Variants in APOBEC1 observed in about 807,000 individuals in gnomAD.
APOBEC1 encodes C->U-editing enzyme APOBEC-1.
APOBEC1 carries 22 observed loss-of-function variants against 26.3 expected under a neutral mutation model. The observed-to-expected ratio is 0.84, with a 90% CI of 0.60 to 1.19. The LOEUF is 1.19. Ranked by LOEUF, APOBEC1 falls within the 50% of genes most tolerant of loss-of-function variation. APOBEC1 has a pLI of 0.00. For synonymous variants in APOBEC1, 77 were observed against 95.3 expected (o/e 0.81, Z 1.12); for missense variants, 253 against 289.0 (o/e 0.88, Z 0.90).
chr12:7,652,508 A>T lies in APOBEC1; in HGVS notation c.372T>A (p.Asp124Glu). ...CCCTGAGACCTTGCCGATTTTGTTG[A>T]TCCATGTGCCAAAAAAGCCGAGCTA... is the stretch of plus-strand genomic sequence containing the variant. ...IYVARLFWHM[D>E]QQNRQGLRDL... is the part of the protein sequence containing the mutation. Residue 124 changes from aspartate to glutamate, a missense_variant, in exon 3 of 5, where the codon GAT (aspartate) becomes GAA (glutamate). Transcript: ENST00000229304. 6.2e-7 allele frequency: 1 copy of T among 1,614,056 alleles called. No individual in the cohort carries two copies. Among genetic ancestry groups the T allele is most frequent in the Non-Finnish European group, 8.5e-7 (1 of 1,179,986 alleles).
At chr12:7,651,410 C>T (rs145446900) in intron 3 of APOBEC1, among the ~76,000 whole-genome samples, 1 of 151,930 alleles carries the variant, frequency 6.6e-6, no homozygotes, top group African/African-American at 2.4e-5. Context: ...GTCAGGAGAT[C>T]GAGACCATCC....
chr12:7,656,647 G>T (rs897396717), intron 1 of APOBEC1, among the ~76,000 whole-genome samples: 1 of 152,174 alleles, frequency 6.6e-6, no homozygotes, highest in Non-Finnish European at 1.5e-5. Context: ...AACACATTTG[G>T]CAAGTTTCCT....
chr12:7,650,822 C>CA (rs1272345176), intron 4 of APOBEC1, among the ~76,000 whole-genome samples: 1 of 152,224 alleles, frequency 6.6e-6, no homozygotes, highest in Non-Finnish European at 1.5e-5. Flanking sequence ...CGCCTAGACT[C>CA]AAGCTTCCTG....
At chr12:7,659,924 A>G (rs747829863) in intron 1 of APOBEC1, among the ~76,000 whole-genome samples, 56 of 152,186 alleles carry the variant, frequency 3.7e-4, no homozygotes, top group African/African-American at 1.1e-3. Flanking sequence ...AGCCGAGATC[A>G]AGCCACTGCA....
intron 1 of APOBEC1, among the ~76,000 whole-genome samples, chr12:7,662,101 C>A (rs76353561): frequency 0.01 from 72 of 7,038 alleles, no homozygotes; most frequent in African/African-American, 0.014. Flanking sequence ...AAAACAAAAC[C>A]AAACCTTTTT....
chr12:7,662,562 G>A (rs181619746), intron 1 of APOBEC1, among the ~76,000 whole-genome samples: 17 of 152,240 alleles, frequency 1.1e-4, no homozygotes, highest in South Asian at 1.0e-3. Context: ...TAGCCTGGGC[G>A]ACAGAGCGAG....
intron 1 of APOBEC1, among the ~76,000 whole-genome samples, chr12:7,655,425 G>T (rs970191574): frequency 2.2e-4 from 33 of 152,050 alleles, no homozygotes; most frequent in African/African-American, 7.7e-4. Flanking sequence ...TGAGGCAGGA[G>T]AATTGCTTGA....
chr12:7,651,879 G>C (rs763604003), intron 3 of APOBEC1, among the ~76,000 whole-genome samples: 187 of 151,856 alleles, frequency 1.2e-3, no homozygotes, highest in Non-Finnish European at 2.1e-3. Context: ...GGAGTGCAGT[G>C]GCGCGATCTC....
chr12:7,651,921 C>T (rs975283789), intron 3 of APOBEC1, among the ~76,000 whole-genome samples: 5 of 151,966 alleles, frequency 3.3e-5, no homozygotes, highest in Middle Eastern at 3.4e-3. Flanking sequence ...CCCGGGTTCA[C>T]GCCATTCTCC....
At position 7,652,745 on chromosome 12, in the gene APOBEC1, G is replaced by A. The variant is rs769725119; in HGVS notation, c.135C>T (p.Gly45=). The A allele has an allele frequency of 3.5e-5, 57 of 1,613,918 alleles. No homozygotes were observed. The highest frequency in any genetic ancestry group is 4.8e-5 in the Non-Finnish European group (57 of 1,180,030). ...AGCTTCGCCAGATCTTCCGGCTCAT[G>A]CCCCACTTGATTTCGTAGAGCAGAC... ...EACLLYEIKW[G]MSRKIWRSSG... The change falls in exon 3 of 5, where the codon GGC becomes GGT. Residue 45 remains glycine, a synonymous_variant. Transcript: ENST00000229304.
intron 1 of APOBEC1, among the ~76,000 whole-genome samples, chr12:7,660,355 G>A (rs55687005): frequency 5.0e-4 from 6 of 11,964 alleles, no homozygotes; most frequent in Non-Finnish European, 3.0e-3. Context: ...AAGGAAGGAA[G>A]GAAGGAAGGA....
chr12:7,665,127 T>C (rs1159110930), intron 1 of APOBEC1, among the ~76,000 whole-genome samples: 1 of 152,168 alleles, frequency 6.6e-6, no homozygotes, highest in Non-Finnish European at 1.5e-5. Context: ...CTGAAATTAC[T>C]TCCTTCAGCC....
chr12:7,649,538 T>G lies in APOBEC1; in HGVS notation c.*9A>C. The G allele has an allele frequency of 6.2e-7, 1 of 1,613,720 alleles. No homozygotes were observed. The highest frequency in any genetic ancestry group is 8.5e-7 in the Non-Finnish European group (1 of 1,179,806). ...TTCTTGAATCAGTACACACACGGAA[T>G]CATCCTATTCATCTCCAAGCCACAG... On this transcript the variant is annotated 3_prime_UTR_variant, in exon 5 of 5. Coordinates refer to ENST00000229304, the MANE Select transcript of APOBEC1 (RefSeq NM_001644.5).
chr12:7,657,191 T>C (rs576783571), intron 1 of APOBEC1, among the ~76,000 whole-genome samples: 7 of 152,094 alleles, frequency 4.6e-5, no homozygotes, highest in Non-Finnish European at 8.8e-5. Flanking sequence ...CTGCATTTCG[T>C]ACTAAGTTAC....
chr12:7,659,323 ATATATATATATAT>A (rs1472606999), intron 1 of APOBEC1, among the ~76,000 whole-genome samples: 1 of 39,090 alleles, frequency 2.6e-5, no homozygotes, highest in Non-Finnish European at 4.2e-5. Flanking sequence ...AAAAAAAAAA[ATATATATATATAT>A]ATATATATAT....
intron 1 of APOBEC1, among the ~76,000 whole-genome samples, chr12:7,656,799 G>C (rs971194611): frequency 6.6e-6 from 1 of 152,164 alleles, no homozygotes; most frequent in African/African-American, 2.4e-5. Context: ...CTTCATAAAC[G>C]TTAAGCACTG....
chr12:7,663,153 C>G (rs1320824820), intron 1 of APOBEC1, among the ~76,000 whole-genome samples: 3 of 152,218 alleles, frequency 2.0e-5, no homozygotes, highest in Admixed American at 1.3e-4. Flanking sequence ...TATTTTTGAA[C>G]AGAGAAGAGT....
chr12:7,659,373 T>TCACACACACACACACACACA (rs147840833), intron 1 of APOBEC1, among the ~76,000 whole-genome samples: 1 of 114,086 alleles, frequency 8.8e-6, no homozygotes, highest in Non-Finnish European at 1.7e-5. Context: ...AATTTAAAAA[T>TCACACACACACACACACACA]CACACACACA....
At chr12:7,668,006 G>A (rs1863914909), upstream of APOBEC1, among the ~76,000 whole-genome samples, 2 of 151,616 alleles carry the variant, frequency 1.3e-5, no homozygotes. Flanking sequence ...GAACTTAAGT[G>A]CCAAAAGGGT....
Sources: allele counts gnomAD v4.1 joint callset (sites outside exome capture counted in the v4.1 genomes callset), GRCh38; gene constraint gnomAD v4.1.1; transcripts MANE v1.5; gene names NCBI Gene and HGNC (gene_info 2026-07-23, HGNC 2026-07-21).